Variants in JADE1 observed in about 807,000 individuals in gnomAD.
JADE1 encodes jade family PHD finger 1, also known as protein Jade-1.
In JADE1, 14 loss-of-function variants were observed where a neutral mutation model predicts 81.8. That is an observed-to-expected ratio of 0.17 (90% CI 0.11 to 0.27). The LOEUF (loss-of-function observed/expected upper bound fraction) is 0.27. JADE1 is among the 10% of genes least tolerant of loss of function. The probability of loss-of-function intolerance (pLI) is 1.00; values close to 1 mark genes in which losing one functional copy is unlikely to be tolerated. For missense variants in JADE1, 690 were observed against 1,047.9 expected (o/e 0.66, Z 4.71); for synonymous variants, 353 against 391.9 (o/e 0.90, Z 1.17).
chr4:128,865,214 A>G (rs1267805012), intron 9 of JADE1, among the ~76,000 whole-genome samples: 19 of 152,188 alleles, frequency 1.2e-4, no homozygotes, highest in Admixed American at 1.2e-3. Flanking sequence ...TTTGGATTCA[A>G]GAAAACACTG....
intron 3 of JADE1, among the ~76,000 whole-genome samples, chr4:128,843,654 T>A (rs1173250903): frequency 1.3e-5 from 2 of 152,250 alleles, no homozygotes. Flanking sequence ...CTGTTTATTC[T>A]AAAGACTTTT....
intron 1 of JADE1, among the ~76,000 whole-genome samples, chr4:128,820,917 T>TA (rs949970511): frequency 1.2e-4 from 18 of 152,220 alleles, no homozygotes; most frequent in Admixed American, 7.2e-4. Flanking sequence ...AAAAATCTTT[T>TA]AAAATTACCC....
At chr4:128,828,774 A>G (rs1372820392) in intron 1 of JADE1, among the ~76,000 whole-genome samples, 1 of 152,128 alleles carries the variant, frequency 6.6e-6, no homozygotes, top group Non-Finnish European at 1.5e-5. Context: ...TTTGATTCAA[A>G]AAGATTCTTA....
intron 6 of JADE1, among the ~76,000 whole-genome samples, chr4:128,854,583 C>T (rs1730636735): frequency 6.6e-6 from 1 of 152,174 alleles, no homozygotes; most frequent in Non-Finnish European, 1.5e-5. Flanking sequence ...GCTCAACTCT[C>T]ATCCTTGTGG....
intron 1 of JADE1, among the ~76,000 whole-genome samples, chr4:128,811,629 C>T (rs1211736556): frequency 3.2e-5 from 1 of 31,456 alleles, no homozygotes; most frequent in Non-Finnish European, 7.4e-5. Flanking sequence ...CTGCGCCGCC[C>T]GGGCCGGGGT....
rs1213920998 is a variant in JADE1 at position 128,849,058 on chromosome 4, G to A, written c.375G>A (p.Glu125=). The change falls in exon 5 of 11, where the codon GAG becomes GAA. Residue 125 remains glutamate (E), a synonymous_variant. Coordinates refer to ENST00000226319, the MANE Select transcript of JADE1 (RefSeq NM_199320.4). The part of the protein sequence containing the change: ...YIVSSGSEPP[E]LGYVDIRTLA... Reference sequence around the variant, plus strand: ...TGTCATCAGGCTCTGAGCCTCCCGAGTTGGGCTATGTGGACATCCGGACGC... The same window carrying A: ...TGTCATCAGGCTCTGAGCCTCCCGAATTGGGCTATGTGGACATCCGGACGC... 1 of 1,614,194 alleles carries A rather than the reference G, an allele frequency of 6.2e-7. No individual in the cohort carries two copies. The highest frequency in any genetic ancestry group is 1.7e-5 in the Admixed American group (1 of 60,020).
chr4:128,833,603 A>T (rs748476463), intron 2 of JADE1, among the ~76,000 whole-genome samples: 14 of 152,118 alleles, frequency 9.2e-5, no homozygotes, highest in Non-Finnish European at 1.6e-4. Context: ...CTGAGGCAGG[A>T]GAATCACTTG....
chr4:128,867,741 A>G (rs1481892819), intron 9 of JADE1, 115 bp from the exon 10 acceptor site: 1 of 565,178 alleles, frequency 1.8e-6, no homozygotes, highest in East Asian at 2.9e-5. Context: ...ATTGATTTCA[A>G]GTATCTGTCA....
At chr4:128,859,459 G>A (rs544553737) in intron 8 of JADE1, among the ~76,000 whole-genome samples, 38 of 152,202 alleles carry the variant, frequency 2.5e-4, no homozygotes, top group African/African-American at 6.7e-4. Flanking sequence ...GCGTGAGTGC[G>A]TGAGTATGCA....
At chr4:128,851,615 T>A (rs897406153) in intron 5 of JADE1, among the ~76,000 whole-genome samples, 5 of 152,220 alleles carry the variant, frequency 3.3e-5, no homozygotes, top group African/African-American at 1.2e-4. Context: ...AAGGATCTGA[T>A]AAGCATTTAA....
intron 9 of JADE1, among the ~76,000 whole-genome samples, chr4:128,867,651 C>T (rs1309663703): frequency 6.6e-6 from 1 of 152,132 alleles, no homozygotes; most frequent in Non-Finnish European, 1.5e-5. Context: ...TTGCTTCTGC[C>T]TATGTTGAGG....
At chr4:128,838,415 T>TTTTTAGAG (rs1160635066) in intron 2 of JADE1, among the ~76,000 whole-genome samples, 1 of 152,218 alleles carries the variant, frequency 6.6e-6, no homozygotes, top group Non-Finnish European at 1.5e-5. Context: ...TATTAGCAGA[T>TTTTTAGAG]TTTTAGAGTT....
At chr4:128,811,442 G>A (rs1378984067) in intron 1 of JADE1, 2 of 151,912 alleles carry the variant, frequency 1.3e-5, no homozygotes, top group East Asian at 2.0e-4. Flanking sequence ...AGGGAACCGG[G>A]GGAGACTCGG....
intron 3 of JADE1, among the ~76,000 whole-genome samples, chr4:128,844,912 G>A (rs952238497): frequency 2.6e-5 from 4 of 152,170 alleles, no homozygotes; most frequent in Non-Finnish European, 4.4e-5. Flanking sequence ...AGCCTGAAAA[G>A]CCACCAGGAA....
intron 1 of JADE1, among the ~76,000 whole-genome samples, chr4:128,826,545 T>G (rs1728088485): frequency 6.6e-6 from 1 of 151,502 alleles, no homozygotes; most frequent in Non-Finnish European, 1.5e-5. Context: ...TTTTTTTTTT[T>G]TTTCAGTAGA....
At chr4:128,849,443 G>C (rs1201941442) in intron 5 of JADE1, among the ~76,000 whole-genome samples, 1 of 152,170 alleles carries the variant, frequency 6.6e-6, no homozygotes, top group East Asian at 1.9e-4. Context: ...TTACCTTAAG[G>C]AAGCTGAAGT....
intron 9 of JADE1, chr4:128,863,583 G>A: frequency 2.0e-6 from 2 of 985,424 alleles, no homozygotes; most frequent in Non-Finnish European, 2.4e-6. Context: ...ACCAGGTTAG[G>A]ATTCCTGGGA....
chr4:128,854,537 A>C (rs1378351925), intron 6 of JADE1, among the ~76,000 whole-genome samples: 1 of 152,032 alleles, frequency 6.6e-6, no homozygotes, highest in Non-Finnish European at 1.5e-5. Context: ...CCCAAACAGC[A>C]CTCTGAGGCT....
rs564063944 is a variant in JADE1 at position 128,821,675 on chromosome 4, C to T, written c.-26-10058C>T. 4.6e-5 allele frequency among the ~76,000 whole-genome samples: 7 copies of T among 152,164 alleles called. No individual in the cohort carries two copies. In the East Asian group the frequency reaches 1.2e-3, roughly 25 times the overall value. Reference sequence around the variant, plus strand: ...CAACCTGATTACAGGTGCCTGCCACCATGCCTGGCTAATTTTTGTATTTTT... The same window carrying T: ...CAACCTGATTACAGGTGCCTGCCACTATGCCTGGCTAATTTTTGTATTTTT... On this transcript the variant is annotated intron_variant, in intron 1 of 10. Transcript: ENST00000226319.
Sources: allele counts gnomAD v4.1 joint callset (sites outside exome capture counted in the v4.1 genomes callset), GRCh38; gene constraint gnomAD v4.1.1; transcripts MANE v1.5; gene names NCBI Gene and HGNC (gene_info 2026-07-23, HGNC 2026-07-21).